The following FN1 variants were observed in gnomAD, a reference collection of about 807,000 sequenced individuals.
The protein encoded by FN1 is fibronectin 1.
A neutral mutation model predicts 297.3 loss-of-function variants in FN1; 106 were observed. The ratio of observed to expected loss-of-function variants is 0.36; its 90% CI spans 0.30 to 0.42. FN1 has a LOEUF of 0.42. FN1 is among the 10% of genes least tolerant of loss of function. The pLI is 1.00. For missense variants in FN1, 2,690 were observed against 3,124.9 expected, an observed-to-expected ratio of 0.86 and a Z score of 3.32; for synonymous variants, 1,149 against 1,152.6, an observed-to-expected ratio of 1.00 and a Z score of 0.06.
rs746244906 is a variant in FN1, at chr2:215,404,482, T to C, written c.3160A>G (p.Arg1054Gly). The change falls in exon 20 of 46, where the codon AGG becomes GGG. Residue 1054 changes from arginine (R) to glycine (G), a missense_variant. This residue lies in a region of FN1 where 1,743 missense variants were observed against 1,945.2 expected (regional missense o/e 0.90). Transcript: ENST00000354785. The stretch of plus-strand genomic sequence containing the variant: ...TACTCAGATGCAGGCTGCAGATTCC[T>C]CAGTGGGTACTTGGAGACAGAGGGA... Reference protein sequence around the residue: ...VGPSVSKYPLRNLQPASEYTV... With the variant: ...VGPSVSKYPLGNLQPASEYTV... 1 of 1,614,124 alleles carries C rather than the reference T, an allele frequency of 6.2e-7. No homozygotes were observed. The highest frequency in any genetic ancestry group is 1.1e-5 in the South Asian group (1 of 91,082).
intron 19 of FN1, among the ~76,000 whole-genome samples, chr2:215,405,529 A>G (rs911521621): frequency 6.6e-6 from 1 of 152,170 alleles, no homozygotes; most frequent in African/African-American, 2.4e-5. Flanking sequence ...GGATCACTTG[A>G]GGTCAGGAGT....
At position 215,370,401 on chromosome 2, in the gene FN1, G is replaced by A. The variant is rs2055652501; in HGVS notation, c.6746C>T (p.Thr2249Ile). The A allele has an allele frequency of 6.2e-7, 1 of 1,613,932 alleles. No individual in the cohort carries two copies. The highest frequency in any genetic ancestry group is 1.3e-5 in the African/African-American group (1 of 74,968). Residue 2249 changes from threonine (T) to isoleucine (I), a missense_variant, in exon 41 of 46, where the codon ACT becomes ATT. Coordinates refer to ENST00000354785, the MANE Select transcript of FN1 (RefSeq NM_212482.4). ...GGCACCTCTGGTGAGGCCTGTCAGA[G>A]TGGCACTGGTAGAAGTTCCAGGAAC... is the stretch of plus-strand genomic sequence containing the variant. ...FRVPGTSTSA[T>I]LTGLTRGATY...
Position 215,384,865 on chromosome 2 carries a change from T to C in FN1, c.4724A>G (p.Glu1575Gly). The C allele has an allele frequency of 1.3e-6, 2 of 1,599,298 alleles. No individual in the cohort carries two copies. The highest frequency in any genetic ancestry group is 4.5e-5 in the East Asian group (2 of 44,796). ...TVRYYRITYG[E>G]TGGNSPVQEF... ...ATAGCATTTTACTGCTGTACCTGTC[T>C]CTCCGTAAGTGATCCTGTAATATCT... Residue 1575 changes from glutamate to glycine, a missense_variant, in exon 29 of 46, where the codon GAG becomes GGG. By Grantham distance (98) the Glu-to-Gly change is moderately conservative. Coordinates refer to ENST00000354785, the MANE Select transcript of FN1 (RefSeq NM_212482.4).
chr2:215,362,115 A>T, intron 44 of FN1, 36 bp from the exon 45 acceptor site: 5 of 1,482,762 alleles, frequency 3.4e-6, no homozygotes, highest in Non-Finnish European at 4.7e-6. Context: ...AATGGGGTTT[A>T]TGATAACCTG....
chr2:215,371,137 A>G (rs1405249115), intron 40 of FN1, among the ~76,000 whole-genome samples: 4 of 151,976 alleles, frequency 2.6e-5, no homozygotes, highest in Admixed American at 6.6e-5. Context: ...GTGCGGTGGC[A>G]CATGCCTGTA....
intron 32 of FN1, 165 bp downstream of exon 32, chr2:215,382,047 C>T: frequency 1.6e-6 from 1 of 629,292 alleles, no homozygotes; most frequent in South Asian, 1.7e-5. Flanking sequence ...CCTCGCTTGG[C>T]ACTGAGAAGG....
intron 23 of FN1, among the ~76,000 whole-genome samples, chr2:215,395,076 ACT>A (rs1442021797): frequency 6.6e-6 from 1 of 152,052 alleles, no homozygotes; most frequent in Admixed American, 6.6e-5. Flanking sequence ...TGGTCCTATC[ACT>A]GTACCCTGCT....
At chr2:215,392,003 C>A in intron 25 of FN1, 189 bp from the exon 26 acceptor site, 4 of 591,550 alleles carry the variant, frequency 6.8e-6, no homozygotes, top group Non-Finnish European at 1.2e-5. Context: ...ACACACAGTA[C>A]TGTTAGGCCC....
Position 215,407,254 on chromosome 2 carries a change from T to C in FN1, c.2586A>G (p.Ala862=). The change falls in exon 18 of 46, where the codon GCA becomes GCG. Residue 862 remains alanine, a synonymous_variant. Transcript: ENST00000354785. ...SSTELNLPET[A]NSVTLSDLQP... is the part of the protein sequence containing the mutation. ...GCAAGTCACTGAGGGTGACGGAGTTTGCAGTTTCAGGAAGGTTGAGTTCTG... is the reference window on the plus strand; with the variant it reads ...GCAAGTCACTGAGGGTGACGGAGTTCGCAGTTTCAGGAAGGTTGAGTTCTG... The C allele has an allele frequency of 6.8e-6, 11 of 1,614,178 alleles. No homozygotes were observed. Among genetic ancestry groups the C allele is most frequent in the Non-Finnish European group, 9.3e-6 (11 of 1,180,004 alleles).
intron 32 of FN1, 124 bp from the exon 33 acceptor site, chr2:215,381,204 C>G (rs1232935798): frequency 3.2e-6 from 3 of 937,286 alleles, no homozygotes. Context: ...AACCCACTAT[C>G]AAAAGGAAAA....
intron 15 of FN1, 146 bp downstream of exon 15, chr2:215,409,417 C>A: frequency 1.3e-6 from 1 of 788,552 alleles, no homozygotes; most frequent in Non-Finnish European, 2.2e-6. Flanking sequence ...TCCTTCCCTT[C>A]CTCATGCCAG....
intron 39 of FN1, 35 bp from the exon 40 acceptor site, chr2:215,372,410 C>T (rs773588106): frequency 4.7e-6 from 7 of 1,481,320 alleles, no homozygotes; most frequent in African/African-American, 4.2e-5. Context: ...AAAAGCAAAG[C>T]GCATTAAGCT....
chr2:215,361,502 T>C lies in FN1; in HGVS notation c.*53A>G. 1 of 1,276,928 alleles carries C rather than the reference T, an allele frequency of 7.8e-7. No individual in the cohort carries two copies. The highest frequency in any genetic ancestry group is 1.1e-6 in the Non-Finnish European group (1 of 871,724). The allele number at this position is 1,276,928 out of a possible 1,614,324, so 79.1% of individuals were successfully genotyped here. On this transcript the variant is annotated 3_prime_UTR_variant, in exon 46 of 46. Coordinates refer to ENST00000354785, the MANE Select transcript of FN1 (RefSeq NM_212482.4). ...TGGGTCTGCTAACATCACTCCAGTTTAGATGGATCTTGGCAGAGAGACATG... is the reference window on the plus strand; with the variant it reads ...TGGGTCTGCTAACATCACTCCAGTTCAGATGGATCTTGGCAGAGAGACATG...
chr2:215,426,209 C>T (rs1319919535), intron 6 of FN1, among the ~76,000 whole-genome samples: 6 of 135,216 alleles, frequency 4.4e-5, no homozygotes, highest in South Asian at 2.5e-4. Flanking sequence ...AGTGCAGTGG[C>T]GCAATCTCGG....
In FN1 at chr2:215,376,671, A is replaced by C. The variant is rs2057335290; in HGVS notation, c.5714T>G (p.Val1905Gly). Reference protein sequence around the residue: ...AQGVVTTLENVSPPRRARVTD... With the variant: ...AQGVVTTLENGSPPRRARVTD... ...CACACGAGCCCTTCTTGGTGGGCTG[A>C]CATCTGCACAGGAGCATAGCTAGAG... Residue 1905 changes from valine to glycine, a missense_variant, in exon 36 of 46, where the codon GTC becomes GGC. Physicochemically the swap from Val to Gly is moderately radical, Grantham distance 109 (BLOSUM62 -3). Around this residue, in one of 3 missense-constraint regions of FN1, gnomAD observed 1,743 missense variants for 1,945.2 expected, o/e 0.90. Transcript: ENST00000354785. 1.2e-6 allele frequency: 2 copies of C among 1,613,594 alleles called. No homozygotes were observed. The highest frequency in any genetic ancestry group is 1.7e-6 in the Non-Finnish European group (2 of 1,179,922).
intron 42 of FN1, 176 bp from the exon 43 acceptor site, chr2:215,365,806 A>G (rs886711662): frequency 4.0e-6 from 1 of 247,674 alleles, no homozygotes; most frequent in Non-Finnish European, 7.2e-6. Flanking sequence ...TTTACTTTTT[A>G]TTTTTTTTTT....
chr2:215,435,645 C>T lies in FN1; in HGVS notation c.148+10G>A. ...GAGGCAGCCTGTTTCAGCCCGCGGT[C>T]AGTACTCACGCTTGCTTTGACTGAC... On this transcript the variant is annotated intron_variant, in intron 1 of 45. Coordinates refer to ENST00000354785, the MANE Select transcript of FN1 (RefSeq NM_212482.4). The T allele has an allele frequency of 6.2e-7, 1 of 1,613,498 alleles. No homozygotes were observed. The highest frequency in any genetic ancestry group is 8.5e-7 in the Non-Finnish European group (1 of 1,179,958).
chr2:215,421,279 A>G (rs2064302043), intron 10 of FN1: 1 of 241,070 alleles, frequency 4.1e-6, no homozygotes, highest in Non-Finnish European at 8.2e-6. Context: ...TAAAATGTCA[A>G]CAGTATTCAC....
chr2:215,382,736 T>C (rs1242394599), intron 31 of FN1, among the ~76,000 whole-genome samples: 1 of 152,192 alleles, frequency 6.6e-6, no homozygotes, highest in Non-Finnish European at 1.5e-5. Flanking sequence ...GTGTGAATGA[T>C]AAACAAAACC....
Sources: allele counts gnomAD v4.1 joint callset (sites outside exome capture counted in the v4.1 genomes callset), GRCh38; gene constraint gnomAD v4.1.1; regional missense constraint gnomAD v4.1.1; transcripts MANE v1.5; gene names NCBI Gene and HGNC (gene_info 2026-07-23, HGNC 2026-07-21).